EIF3M: variants seen among roughly 807,000 people sequenced by gnomAD.
The protein encoded by EIF3M is B5 receptor.
EIF3M carries 25 observed loss-of-function variants against 49.7 expected under a neutral mutation model. The observed-to-expected ratio is 0.50, with a 90% CI of 0.37 to 0.70. The LOEUF (loss-of-function observed/expected upper bound fraction) is 0.70, where lower values mean the gene tolerates loss of function less well. EIF3M is among the 30% of genes least tolerant of loss of function. The probability of loss-of-function intolerance (pLI) is 0.00; values close to 1 mark genes in which losing one functional copy is unlikely to be tolerated. For missense variants in EIF3M, 350 were observed against 440.0 expected (o/e 0.80, Z 1.83); for synonymous variants, 156 against 149.8 (o/e 1.04, Z -0.30).
intron 8 of EIF3M, 65 bp from the exon 9 acceptor site, chr11:32,600,624 G>T: frequency 7.0e-7 from 1 of 1,421,190 alleles, no homozygotes; most frequent in Non-Finnish European, 9.3e-7. Context: ...CTTAACATGA[G>T]ATGTAATTGT....
intron 8 of EIF3M, among the ~76,000 whole-genome samples, chr11:32,598,166 G>A (rs557108822): frequency 6.6e-6 from 1 of 152,242 alleles, no homozygotes; most frequent in South Asian, 2.1e-4. Context: ...AAAAGGAGTA[G>A]TAATTAACAC....
intron 5 of EIF3M, chr11:32,591,773 C>G (rs1855106389): frequency 4.7e-6 from 1 of 210,798 alleles, no homozygotes; most frequent in Non-Finnish European, 1.0e-5. Flanking sequence ...AACTGTAGCC[C>G]TTTTCTGCTG....
intron 5 of EIF3M, chr11:32,592,868 C>T (rs1855124668): frequency 3.4e-6 from 1 of 297,888 alleles, no homozygotes; most frequent in Non-Finnish European, 6.5e-6. Context: ...TTCACAGGTG[C>T]AATTGTAGTG....
In EIF3M at chr11:32,588,705, G is replaced by A. The variant is rs772318051; in HGVS notation, c.287G>A (p.Gly96Asp). The A allele has an allele frequency of 1.9e-6, 3 of 1,614,230 alleles. No individual in the cohort carries two copies. Among genetic ancestry groups the A allele is most frequent in the East Asian group, 2.2e-5 (1 of 44,890 alleles). Reference protein sequence around the residue: ...LCEKLVKFREGERPSLRLQLL... With the variant: ...LCEKLVKFREDERPSLRLQLL... ...GAAAAGCTGGTCAAATTTCGCGAAG[G>A]TGAACGCCCGTCTCTGAGACTGCAG... The change falls in exon 3 of 11, where the codon GGT (glycine) becomes GAT (aspartate). Residue 96 changes from glycine to aspartate, a missense_variant. Physicochemically the swap from Gly to Asp is moderately conservative, Grantham distance 94. Coordinates refer to ENST00000531120, the MANE Select transcript of EIF3M (RefSeq NM_006360.6).
chr11:32,588,529 A>G lies in EIF3M; in HGVS notation c.176-65A>G, dbSNP rs1855040339. The G allele has an allele frequency of 1.9e-6, 3 of 1,546,172 alleles. No individual in the cohort carries two copies. The East Asian group carries it at 6.8e-5, about 35-fold the overall frequency. On this transcript the variant is annotated intron_variant, in intron 2 of 10. Transcript: ENST00000531120. ...CATTGTATTAAAACACTGGAAATGC[A>G]TATTTAACTAGACGCATTGAGTATT...
chr11:32,589,897 C>T (rs1242118882), intron 5 of EIF3M, among the ~76,000 whole-genome samples: 1 of 152,178 alleles, frequency 6.6e-6, no homozygotes, highest in Non-Finnish European at 1.5e-5. Context: ...GCCTTTCCAA[C>T]ATGGGCTTCA....
rs562856947 is a variant in EIF3M at position 32,587,311 on chromosome 11, AATAG to A, written c.175+172_175+175del. Among the ~76,000 whole-genome samples the A allele has an allele frequency of 3.1e-4, 47 of 152,358 alleles. No individual in the cohort carries two copies. The East Asian group carries it at 4.8e-3, about 16-fold the overall frequency. On this transcript the variant is annotated intron_variant, in intron 2 of 10. Coordinates refer to ENST00000531120, the MANE Select transcript of EIF3M (RefSeq NM_006360.6). ...TGAATTTCAGACTACAGGACTTTTA[AATAG>A]ATAGGTAGTGGTTGTATGTATTTTG...
At chr11:32,589,751 A>C in intron 5 of EIF3M, 110 bp downstream of exon 5, 1 of 748,170 alleles carries the variant, frequency 1.3e-6, no homozygotes, top group Non-Finnish European at 2.1e-6. Context: ...TGTTCTCCAC[A>C]GAGTTGCTAT....
In EIF3M at chr11:32,583,876, C is replaced by T. The variant is rs200129027; in HGVS notation, c.-12C>T. The T allele has an allele frequency of 3.7e-6, 6 of 1,612,608 alleles. No individual in the cohort carries two copies. Among genetic ancestry groups the T allele is most frequent in the Non-Finnish European group, 4.2e-6 (5 of 1,179,176 alleles). On this transcript the variant is annotated 5_prime_UTR_variant, in exon 1 of 11. Coordinates refer to ENST00000531120, the MANE Select transcript of EIF3M (RefSeq NM_006360.6). ...TTGCGAGTGGAGTGTCCGCTGTGCCCGGGCCTGCACCATGAGCGTCCCGGC... is the reference window on the plus strand; with the variant it reads ...TTGCGAGTGGAGTGTCCGCTGTGCCTGGGCCTGCACCATGAGCGTCCCGGC...
intron 5 of EIF3M, among the ~76,000 whole-genome samples, chr11:32,590,508 C>A (rs1345206278): frequency 6.6e-6 from 1 of 152,158 alleles, no homozygotes; most frequent in East Asian, 1.9e-4. Flanking sequence ...TAGCATTTAA[C>A]ACCCTTAGTT....
chr11:32,589,264 C>T (rs906118727), intron 4 of EIF3M, 129 bp downstream of exon 4: 24 of 1,383,096 alleles, frequency 1.7e-5, no homozygotes, highest in Non-Finnish European at 2.3e-5. Flanking sequence ...GCAACCTCCG[C>T]CTCCAGGGTT....
intron 5 of EIF3M, chr11:32,592,595 C>T (rs1448441316): frequency 1.9e-6 from 1 of 538,740 alleles, no homozygotes; most frequent in African/African-American, 1.9e-5. Context: ...AAGAGTAAGT[C>T]ACAAAACCAG....
chr11:32,603,215 T>C lies in EIF3M; in HGVS notation c.*816T>C. 2.0e-6 allele frequency: 1 copy of C among 496,382 alleles called. No homozygotes were observed. Among genetic ancestry groups the C allele is most frequent in the Non-Finnish European group, 3.5e-6 (1 of 284,666 alleles). 30.7% of individuals were successfully genotyped at this position (496,382 alleles called of 1,614,324 possible). A position where few individuals can be genotyped will look rare whatever the true frequency, so the allele number is the denominator to read the frequency against. On this transcript the variant is annotated 3_prime_UTR_variant, in exon 11 of 11. Transcript: ENST00000531120. ...TTATGTAGTAGATCTTCAAAATCTCTAATATATAACTGAAGTAAAGTGTAC... is the reference window on the plus strand; with the variant it reads ...TTATGTAGTAGATCTTCAAAATCTCCAATATATAACTGAAGTAAAGTGTAC...
At chr11:32,601,918 C>T in intron 10 of EIF3M, 96 bp downstream of exon 10, 3 of 1,280,974 alleles carry the variant, frequency 2.3e-6, no homozygotes, top group Non-Finnish European at 3.3e-6. Flanking sequence ...GGTGTTATCA[C>T]TTGACTGTAG....
intron 5 of EIF3M, chr11:32,592,234 G>A: frequency 2.5e-6 from 1 of 405,158 alleles, no homozygotes; most frequent in Non-Finnish European, 4.7e-6. Flanking sequence ...AACTGCATCT[G>A]TTGTTTAAAA....
intron 7 of EIF3M, 56 bp downstream of exon 7, chr11:32,595,069 C>G (rs755471760): frequency 6.8e-7 from 1 of 1,470,948 alleles, no homozygotes. Flanking sequence ...ATTTTACATA[C>G]TGAAGCAGGA....
At position 32,595,008 on chromosome 11, in the gene EIF3M, C is replaced by T; in HGVS notation, c.712C>T (p.His238Tyr). ...PVKFLEGELI[H>Y]DLLTIFVSAK... ...CAAGTTTTTGGAAGGCGAGCTTATT[C>T]ATGATGTAAGTAGTTTATCCTTTAA... is the stretch of plus-strand genomic sequence containing the variant. Residue 238 changes from histidine (H) to tyrosine (Y), a missense_variant, in exon 7 of 11, where the codon CAT becomes TAT. Physicochemically the swap from His to Tyr is moderately conservative, Grantham distance 83. Coordinates refer to ENST00000531120, the MANE Select transcript of EIF3M (RefSeq NM_006360.6). The T allele has an allele frequency of 6.2e-7, 1 of 1,613,038 alleles. No homozygotes were observed. Among genetic ancestry groups the T allele is most frequent in the Non-Finnish European group, 8.5e-7 (1 of 1,179,544 alleles).
chr11:32,592,524 C>T (rs1249807407), intron 5 of EIF3M: 2 of 532,950 alleles, frequency 3.8e-6, no homozygotes, highest in African/African-American at 3.8e-5. Flanking sequence ...GTCTTTGGTT[C>T]CATTGCACTC....
intron 1 of EIF3M, among the ~76,000 whole-genome samples, chr11:32,586,009 C>T (rs1435709728): frequency 6.6e-6 from 1 of 152,180 alleles, no homozygotes; most frequent in East Asian, 1.9e-4. Flanking sequence ...GCCCGTGGAT[C>T]ACCGGAGGTC....
Sources: allele counts gnomAD v4.1 joint callset (sites outside exome capture counted in the v4.1 genomes callset), GRCh38; gene constraint gnomAD v4.1.1; transcripts MANE v1.5; gene names NCBI Gene and HGNC (gene_info 2026-07-23, HGNC 2026-07-21).